Variants in WDFY2 observed in about 807,000 individuals in gnomAD.
The protein encoded by WDFY2 is WD repeat and FYVE domain containing 2, also known as WD repeat and FYVE domain-containing protein 2.
WDFY2 carries 36 observed loss-of-function variants against 56.4 expected under a neutral mutation model. The ratio of observed to expected loss-of-function variants is 0.64; its 90% CI spans 0.49 to 0.84. The LOEUF is 0.84. WDFY2 is among the 40% of genes least tolerant of loss of function. The pLI is 0.00. For synonymous variants in WDFY2, 176 were observed against 183.7 expected (o/e 0.96, Z 0.34); for missense variants, 444 against 512.2 (o/e 0.87, Z 1.29).
chr13:51,709,254 A>G (rs951103017), intron 4 of WDFY2, among the ~76,000 whole-genome samples: 1 of 152,228 alleles, frequency 6.6e-6, no homozygotes, highest in Non-Finnish European at 1.5e-5. Flanking sequence ...ATCAAGACAG[A>G]CAATATTCTA....
intron 1 of WDFY2, among the ~76,000 whole-genome samples, chr13:51,647,782 A>C (rs1227196877): frequency 4.0e-5 from 6 of 151,850 alleles, no homozygotes; most frequent in Non-Finnish European, 8.8e-5. Flanking sequence ...AAAAAAAAAA[A>C]AAAAACCTTA....
rs937982185 is a variant in WDFY2 at position 51,737,525 on chromosome 13, T to G, written c.599-1524T>G. ...GTTCCCGCCCTCCTAGAGCTTCTAT[T>G]CTACTGGGGCAGGAGACAATGAATT... On this transcript the variant is annotated intron_variant, in intron 6 of 11. Transcript: ENST00000298125. 2.2e-5 allele frequency among the ~76,000 whole-genome samples: 3 copies of G among 135,866 alleles called. No homozygotes were observed. The Admixed American group carries it at 2.4e-4, about 11-fold the overall frequency. The allele number at this position is 135,866 out of a possible 152,430, so 89.1% of individuals were successfully genotyped here.
intron 1 of WDFY2, among the ~76,000 whole-genome samples, chr13:51,638,307 G>A (rs1414022763): frequency 6.6e-6 from 1 of 152,122 alleles, no homozygotes; most frequent in Non-Finnish European, 1.5e-5. Context: ...CTGGGGGTGG[G>A]GTATTAATGA....
chr13:51,655,386 TG>T (rs1289024190), intron 1 of WDFY2, among the ~76,000 whole-genome samples: 3 of 152,150 alleles, frequency 2.0e-5, no homozygotes, highest in South Asian at 2.1e-4. Context: ...TAGTATGCTA[TG>T]TTTTTTTTTC....
chr13:51,708,127 C>G (rs1374964555), intron 4 of WDFY2, among the ~76,000 whole-genome samples: 1 of 151,390 alleles, frequency 6.6e-6, no homozygotes, highest in Non-Finnish European at 1.5e-5. Context: ...TGCGATCCAC[C>G]TGCCTTGGCT....
At chr13:51,603,982 G>T (rs1954336382) in intron 1 of WDFY2, among the ~76,000 whole-genome samples, 1 of 152,184 alleles carries the variant, frequency 6.6e-6, no homozygotes, top group Admixed American at 6.5e-5. Context: ...GAGGGCAGCA[G>T]CTTCTTGGCA....
At chr13:51,698,045 T>G (rs995766410) in intron 3 of WDFY2, among the ~76,000 whole-genome samples, 6 of 152,190 alleles carry the variant, frequency 3.9e-5, no homozygotes, top group African/African-American at 1.4e-4. Flanking sequence ...ATGAGGCTAG[T>G]ACACAAAAGG....
At chr13:51,750,203 ATGT>A (rs1302486774) in intron 7 of WDFY2, among the ~76,000 whole-genome samples, 1 of 152,210 alleles carries the variant, frequency 6.6e-6, no homozygotes, top group Non-Finnish European at 1.5e-5. Flanking sequence ...TAGAGGTTTG[ATGT>A]TCTGTGATTT....
At chr13:51,752,588 C>A (rs1462497989) in intron 8 of WDFY2, among the ~76,000 whole-genome samples, 1 of 152,134 alleles carries the variant, frequency 6.6e-6, no homozygotes, top group African/African-American at 2.4e-5. Context: ...TCCTTTGGTG[C>A]ACGTAGCCTG....
chr13:51,758,089 T>G, intron 10 of WDFY2, 103 bp from the exon 11 acceptor site: 1 of 715,880 alleles, frequency 1.4e-6, no homozygotes, highest in East Asian at 2.8e-5. Flanking sequence ...AGTGAAGCAG[T>G]TTTAGCCACG....
chr13:51,593,419 T>C (rs1344914856), intron 1 of WDFY2, among the ~76,000 whole-genome samples: 1 of 152,194 alleles, frequency 6.6e-6, no homozygotes, highest in Non-Finnish European at 1.5e-5. Context: ...TCCCCCACCC[T>C]GAGTTTTTTG....
chr13:51,657,075 T>C (rs1284081993), intron 1 of WDFY2, among the ~76,000 whole-genome samples: 1 of 152,084 alleles, frequency 6.6e-6, no homozygotes, highest in Non-Finnish European at 1.5e-5. Flanking sequence ...TATTGCCTTC[T>C]TCTACGTTTG....
At chr13:51,738,093 TAATCTC>T (rs1274766915) in intron 6 of WDFY2, among the ~76,000 whole-genome samples, 8 of 152,194 alleles carry the variant, frequency 5.3e-5, no homozygotes, top group South Asian at 2.1e-4. Context: ...AACAAACTGA[TAATCTC>T]AATAAGAAAA....
At chr13:51,619,998 A>G (rs1954695393) in intron 1 of WDFY2, among the ~76,000 whole-genome samples, 1 of 152,168 alleles carries the variant, frequency 6.6e-6, no homozygotes, top group African/African-American at 2.4e-5. Flanking sequence ...CTTTAGATCA[A>G]ACTTAATAGT....
rs142549543 is a variant in WDFY2, at chr13:51,686,953, T to C, written c.279+11710T>C. 6.5e-3 allele frequency among the ~76,000 whole-genome samples: 987 copies of C among 151,712 alleles called. 2 individuals carry two copies. Among genetic ancestry groups the C allele is most frequent in the Non-Finnish European group, 0.01 (691 of 67,864 alleles). On this transcript the variant is annotated intron_variant, in intron 3 of 11. Coordinates refer to ENST00000298125, the MANE Select transcript of WDFY2 (RefSeq NM_052950.4). Reference sequence around the variant, plus strand: ...TTGAACCCCCAATTGAGAAATCTAGTTCCTACTTTCAAGCCTACTATTGAT... The same window carrying C: ...TTGAACCCCCAATTGAGAAATCTAGCTCCTACTTTCAAGCCTACTATTGAT...
chr13:51,756,518 C>A, intron 10 of WDFY2, 56 bp downstream of exon 10: 1 of 1,564,294 alleles, frequency 6.4e-7, no homozygotes, highest in Non-Finnish European at 8.7e-7. Context: ...TTAATCTGAG[C>A]CTTGCACTCA....
rs77413951 is a variant in WDFY2, at chr13:51,723,168, A to G, written c.485+3820A>G. 7.7e-3 allele frequency among the ~76,000 whole-genome samples: 1,166 copies of G among 152,176 alleles called. 10 individuals are homozygous for G. The highest frequency in any genetic ancestry group is 0.027 in the African/African-American group (1,122 of 41,524). ...TTCTATCCCTTTTTGCTTTCTCTCA[A>G]TTTTTGCTGGAGTATTTTAAAGCAA... On this transcript the variant is annotated intron_variant, in intron 5 of 11. Coordinates refer to ENST00000298125, the MANE Select transcript of WDFY2 (RefSeq NM_052950.4).
chr13:51,665,915 G>A (rs1431503425), intron 2 of WDFY2, among the ~76,000 whole-genome samples: 1 of 152,100 alleles, frequency 6.6e-6, no homozygotes, highest in East Asian at 1.9e-4. Flanking sequence ...CAAATAAAGA[G>A]GCACACCTAA....
Position 51,739,010 on chromosome 13 carries a change from T to TA in WDFY2, c.599-38dup, listed in dbSNP as rs756522607. ...ACATTTCTTTTGTGGGTAAGAGTCT[T>TA]ACCTTGTGACTGATGTCTGGTTGTG... On this transcript the variant is annotated intron_variant, in intron 6 of 11. Transcript: ENST00000298125. The TA allele has an allele frequency of 1.6e-4, 240 of 1,510,162 alleles. 1 individual carries two copies. Among genetic ancestry groups the TA allele is most frequent in the Non-Finnish European group, 2.0e-4 (223 of 1,124,084 alleles). 93.5% of individuals were successfully genotyped at this position (1,510,162 alleles called of 1,614,324 possible). A position where few individuals can be genotyped will look rare whatever the true frequency, so the allele number is the denominator to read the frequency against.
Sources: allele counts gnomAD v4.1 joint callset (sites outside exome capture counted in the v4.1 genomes callset), GRCh38; gene constraint gnomAD v4.1.1; transcripts MANE v1.5; gene names NCBI Gene and HGNC (gene_info 2026-07-23, HGNC 2026-07-21).